PTPN14: variants seen among roughly 807,000 people sequenced by gnomAD.
PTPN14 encodes protein tyrosine phosphatase non-receptor type 14.
PTPN14 carries 53 observed loss-of-function variants against 126.8 expected under a neutral mutation model. That is an observed-to-expected ratio of 0.42 (90% CI 0.34 to 0.53). The LOEUF is 0.53. Ranked by LOEUF, PTPN14 falls within the 20% of genes least tolerant of loss-of-function variation. The pLI, the probability that PTPN14 is intolerant of heterozygous loss-of-function variation, is 0.08. For synonymous variants in PTPN14, 630 were observed against 599.3 expected, an observed-to-expected ratio of 1.05 and a Z score of -0.75; for missense variants, 1,257 against 1,552.9, an observed-to-expected ratio of 0.81 and a Z score of 3.20.
chr1:214,507,648 A>C (rs1483529755), intron 1 of PTPN14, among the ~76,000 whole-genome samples: 1 of 152,188 alleles, frequency 6.6e-6, no homozygotes, highest in African/African-American at 2.4e-5. Flanking sequence ...GTTCCAGTCA[A>C]TATCAATTAC....
intron 3 of PTPN14, among the ~76,000 whole-genome samples, chr1:214,449,886 C>T (rs1660234310): frequency 6.6e-6 from 1 of 151,392 alleles, no homozygotes; most frequent in Non-Finnish European, 1.5e-5. Flanking sequence ...AAAATAAGCA[C>T]TTTGGGAGGC....
At chr1:214,438,606 A>G (rs1659971043) in intron 3 of PTPN14, among the ~76,000 whole-genome samples, 1 of 152,212 alleles carries the variant, frequency 6.6e-6, no homozygotes, top group Non-Finnish European at 1.5e-5. Flanking sequence ...TAGAGTTTCT[A>G]GTAGGGTATG....
chr1:214,450,619 C>T (rs557078006), intron 3 of PTPN14, among the ~76,000 whole-genome samples: 2 of 152,276 alleles, frequency 1.3e-5, no homozygotes, highest in Admixed American at 1.3e-4. Flanking sequence ...ACTCTTCCTT[C>T]TTCAAAGCAT....
At position 214,352,840 on chromosome 1, in the gene PTPN14, T is replaced by G. The variant is rs1657731224; in HGVS notation, c.*5082A>C. The G allele has an allele frequency of 6.6e-6, 1 of 152,176 alleles. No individual in the cohort carries two copies. Among genetic ancestry groups the G allele is most frequent in the South Asian group, 2.1e-4 (1 of 4,828 alleles). The allele number at this position is 152,176 out of a possible 1,614,324, so 9.4% of individuals were successfully genotyped here. ...ACTAAATAAGAGCATGATGAGTGTC[T>G]CAAAACCATTGGCAATATAATAAAA... On this transcript the variant is annotated 3_prime_UTR_variant, in exon 19 of 19. Coordinates refer to ENST00000366956, the MANE Select transcript of PTPN14 (RefSeq NM_005401.5).
Position 214,404,323 on chromosome 1 carries a change from A to C in PTPN14, c.511-1370T>G, listed in dbSNP as rs187456564. ...AATTATGGCAGCTCTTACTTTTCACATAACTGATTAATTTGCGGTTTCCTG... is the reference window on the plus strand; with the variant it reads ...AATTATGGCAGCTCTTACTTTTCACCTAACTGATTAATTTGCGGTTTCCTG... On this transcript the variant is annotated intron_variant, in intron 5 of 18. Transcript: ENST00000366956. Among the ~76,000 whole-genome samples, 266 of 152,336 alleles carry C rather than the reference A, an allele frequency of 1.7e-3. 7 individuals carry two copies. Among genetic ancestry groups the C allele is most frequent in the Admixed American group, 0.017 (263 of 15,304 alleles).
chr1:214,376,310 A>T lies in PTPN14; in HGVS notation c.2816T>A (p.Ile939Asn). The part of the protein sequence containing the change: ...ALPENAERSR[I>N]REVVPYEENR... ...CTCCTCATAGGGGACAACTTCACGG[A>T]TTCGGCTGCGCTCGGCGTTTTCTGG... The change falls in exon 15 of 19, where the codon ATC becomes AAC. Residue 939 changes from isoleucine (I) to asparagine (N), a missense_variant. Physicochemically the swap from Ile to Asn is moderately radical, Grantham distance 149 (BLOSUM62 -3). This residue lies in a region of PTPN14 where 65 missense variants were observed against 139.7 expected (regional missense o/e 0.47). Coordinates refer to ENST00000366956, the MANE Select transcript of PTPN14 (RefSeq NM_005401.5). 1.2e-6 allele frequency: 2 copies of T among 1,614,142 alleles called. No individual in the cohort carries two copies. The highest frequency in any genetic ancestry group is 1.7e-6 in the Non-Finnish European group (2 of 1,180,032).
chr1:214,442,019 A>T (rs1660045776), intron 3 of PTPN14, among the ~76,000 whole-genome samples: 1 of 152,246 alleles, frequency 6.6e-6, no homozygotes, highest in Non-Finnish European at 1.5e-5. Flanking sequence ...AAAGGATAAA[A>T]ATCAATACCT....
chr1:214,405,914 G>C (rs1287246990), intron 5 of PTPN14, among the ~76,000 whole-genome samples: 1 of 152,138 alleles, frequency 6.6e-6, no homozygotes, highest in Non-Finnish European at 1.5e-5. Flanking sequence ...GCCAATAAGA[G>C]GCACAGCTGG....
chr1:214,514,245 C>T (rs960904257), intron 1 of PTPN14, among the ~76,000 whole-genome samples: 1 of 152,044 alleles, frequency 6.6e-6, no homozygotes, highest in Non-Finnish European at 1.5e-5. Context: ...ATAAAACACC[C>T]TATTTTAAAA....
chr1:214,539,005 G>C (rs1350759136), intron 1 of PTPN14, among the ~76,000 whole-genome samples: 2 of 152,072 alleles, frequency 1.3e-5, no homozygotes, highest in East Asian at 3.9e-4. Context: ...CTGATATTTT[G>C]CTTTGAATTT....
chr1:214,372,328 G>A lies in PTPN14; in HGVS notation c.3036+383C>T, dbSNP rs184965990. The A allele has an allele frequency of 5.3e-4, 142 of 268,444 alleles. 1 individual carries two copies. Among genetic ancestry groups the A allele is most frequent in the Non-Finnish European group, 2.2e-4 (31 of 138,508 alleles). The allele number at this position is 268,444 out of a possible 1,614,324, so 16.6% of individuals were successfully genotyped here. A position where few individuals can be genotyped will look rare whatever the true frequency, so the allele number is the denominator to read the frequency against. On this transcript the variant is annotated intron_variant, in intron 16 of 18. Coordinates refer to ENST00000366956, the MANE Select transcript of PTPN14 (RefSeq NM_005401.5). ...TGGAGTTGGGCGTCTATGTCGATTT[G>A]CCCAGAGCAGCCTGAGACTCCCAAA...
intron 3 of PTPN14, among the ~76,000 whole-genome samples, chr1:214,449,005 A>ATTTTTTTTTTTTT (rs1229828407): frequency 3.1e-5 from 3 of 97,694 alleles, no homozygotes; most frequent in African/African-American, 6.1e-5. Flanking sequence ...GTAAGACTTA[A>ATTTTTTTTTTTTT]TTTTTCTTTT....
intron 2 of PTPN14, among the ~76,000 whole-genome samples, chr1:214,452,233 A>C (rs1283735803): frequency 6.6e-6 from 1 of 152,204 alleles, no homozygotes; most frequent in Non-Finnish European, 1.5e-5. Context: ...CGCCCATGTG[A>C]GGTAAGGGGA....
At position 214,350,456 on chromosome 1, in the gene PTPN14, A is replaced by G. The variant is rs1029161563; in HGVS notation, c.*7466T>C. The G allele has an allele frequency of 6.6e-6, 1 of 152,104 alleles. No individual in the cohort carries two copies. The highest frequency in any genetic ancestry group is 2.4e-5 in the African/African-American group (1 of 41,402). The allele number at this position is 152,104 out of a possible 1,614,324, so 9.4% of individuals were successfully genotyped here. A position where few individuals can be genotyped will look rare whatever the true frequency, so the allele number is the denominator to read the frequency against. ...TGACTGATTCTATCGGCAAGGGAAC[A>G]AAAGGGTGAGAAAGGGAGCTTCCTG... On this transcript the variant is annotated 3_prime_UTR_variant, in exon 19 of 19. Transcript: ENST00000366956.
intron 3 of PTPN14, among the ~76,000 whole-genome samples, chr1:214,441,517 G>C (rs1206148947): frequency 6.6e-6 from 1 of 151,980 alleles, no homozygotes; most frequent in African/African-American, 2.4e-5. Context: ...CTGATATTCA[G>C]GAAAAAAGGT....
At chr1:214,540,407 A>G (rs1180779766) in intron 1 of PTPN14, among the ~76,000 whole-genome samples, 1 of 152,176 alleles carries the variant, frequency 6.6e-6, no homozygotes, top group African/African-American at 2.4e-5. Context: ...TTGAGCTGTC[A>G]CCACTGACCC....
intron 17 of PTPN14, among the ~76,000 whole-genome samples, chr1:214,368,630 C>T (rs1658141422): frequency 6.6e-6 from 1 of 152,176 alleles, no homozygotes; most frequent in Admixed American, 6.5e-5. Flanking sequence ...GTGCAACCAT[C>T]ACCATCATCC....
chr1:214,479,117 G>T (rs972152282), intron 1 of PTPN14, among the ~76,000 whole-genome samples: 1 of 151,952 alleles, frequency 6.6e-6, no homozygotes, highest in African/African-American at 2.4e-5. Context: ...AGATCGAGGT[G>T]GAATGATCAC....
At chr1:214,452,510 A>G (rs1431333011) in intron 2 of PTPN14, among the ~76,000 whole-genome samples, 1 of 152,222 alleles carries the variant, frequency 6.6e-6, no homozygotes, top group Admixed American at 6.5e-5. Flanking sequence ...TTTAAAAAGT[A>G]TCATCCTCTT....
Sources: allele counts gnomAD v4.1 joint callset (sites outside exome capture counted in the v4.1 genomes callset), GRCh38; gene constraint gnomAD v4.1.1; regional missense constraint gnomAD v4.1.1; transcripts MANE v1.5; gene names NCBI Gene and HGNC (gene_info 2026-07-23, HGNC 2026-07-21).